Variants in GALNT13 observed in about 807,000 individuals in gnomAD.
The protein encoded by GALNT13 is UDP-GalNAc:polypeptide N-acetylgalactosaminyltransferase 13.
Under a neutral mutation model 64.2 loss-of-function variants are expected in GALNT13, and 28 were observed. That is an observed-to-expected ratio of 0.44 (90% CI 0.32 to 0.60). The LOEUF (loss-of-function observed/expected upper bound fraction) is 0.60, where lower values mean the gene tolerates loss of function less well. GALNT13 is among the 20% of genes least tolerant of loss of function. The probability of loss-of-function intolerance (pLI) is 0.05; values close to 1 mark genes in which losing one functional copy is unlikely to be tolerated. For synonymous variants in GALNT13, 214 were observed against 224.6 expected (o/e 0.95, Z 0.42); for missense variants, 577 against 669.8 (o/e 0.86, Z 1.53).
chr2:153,949,267 C>A (rs1477205088), intron 3 of GALNT13, among the ~76,000 whole-genome samples: 2 of 152,038 alleles, frequency 1.3e-5, no homozygotes, highest in Non-Finnish European at 2.9e-5. Context: ...CATCCTTATG[C>A]AACGAATGAC....
the GALNT13 span, among the ~76,000 whole-genome samples, chr2:153,234,506 A>G: frequency 9.2e-5 from 14 of 152,160 alleles, no homozygotes; most frequent in Non-Finnish European, 1.8e-4. Context: ...CTAAAAAACA[A>G]TGGAGATCCG....
chr2:153,498,872 G>A, the GALNT13 span, among the ~76,000 whole-genome samples: 1 of 150,748 alleles, frequency 6.6e-6, no homozygotes, highest in Admixed American at 6.6e-5. Context: ...TTTTTGAGAC[G>A]GAGTCTCGCT....
At chr2:154,441,123 T>C (rs1701273009) in intron 12 of GALNT13, among the ~76,000 whole-genome samples, 1 of 152,096 alleles carries the variant, frequency 6.6e-6, no homozygotes, top group South Asian at 2.1e-4. Context: ...CATATTTACA[T>C]TTGAAAAGGA....
the GALNT13 span, among the ~76,000 whole-genome samples, chr2:153,303,970 C>G: frequency 1.3e-5 from 2 of 151,892 alleles, no homozygotes; most frequent in African/African-American, 4.8e-5. Context: ...ATTTCAGAAA[C>G]TACTATTCTC....
chr2:154,171,801 G>A (rs1364282302), intron 4 of GALNT13, among the ~76,000 whole-genome samples: 1 of 152,054 alleles, frequency 6.6e-6, no homozygotes, highest in African/African-American at 2.4e-5. Context: ...CCTGCTGTGA[G>A]TCACTAATGA....
At chr2:153,368,033 A>G in the GALNT13 span, among the ~76,000 whole-genome samples, 1 of 152,120 alleles carries the variant, frequency 6.6e-6, no homozygotes, top group Non-Finnish European at 1.5e-5. Context: ...GAAAAGCAAG[A>G]CCAAATCATA....
intron 9 of GALNT13, among the ~76,000 whole-genome samples, chr2:154,308,954 G>T (rs1693887988): frequency 1.3e-5 from 2 of 151,932 alleles, no homozygotes. Flanking sequence ...CCTTTTATTG[G>T]TATTCTATGG....
chr2:153,548,127 A>G, the GALNT13 span, among the ~76,000 whole-genome samples: 1 of 152,220 alleles, frequency 6.6e-6, no homozygotes, highest in Non-Finnish European at 1.5e-5. Flanking sequence ...AGTTTGCTAT[A>G]TGGCATTGCC....
chr2:154,037,545 C>T (rs1325917809), intron 3 of GALNT13, among the ~76,000 whole-genome samples: 1 of 151,952 alleles, frequency 6.6e-6, no homozygotes, highest in African/African-American at 2.4e-5. Context: ...GGTATCCAAA[C>T]TGGGAAAGAG....
chr2:153,797,483 C>G, the GALNT13 span, among the ~76,000 whole-genome samples: 1 of 152,138 alleles, frequency 6.6e-6, no homozygotes, highest in East Asian at 1.9e-4. Context: ...AAAAATTAAT[C>G]ACATTGGCTC....
the GALNT13 span, among the ~76,000 whole-genome samples, chr2:153,156,962 G>T: frequency 6.6e-6 from 1 of 152,124 alleles, no homozygotes; most frequent in Middle Eastern, 3.2e-3. Flanking sequence ...GCTCTGTGAA[G>T]TGTCTGCTTC....
At chr2:154,418,624 T>G (rs1700127929) in intron 11 of GALNT13, among the ~76,000 whole-genome samples, 1 of 152,066 alleles carries the variant, frequency 6.6e-6, no homozygotes, top group South Asian at 2.1e-4. Context: ...TCCCACCCAG[T>G]AAAACTGATT....
the GALNT13 span, among the ~76,000 whole-genome samples, chr2:153,860,595 T>C: frequency 6.6e-6 from 1 of 152,290 alleles, no homozygotes; most frequent in South Asian, 2.1e-4. Flanking sequence ...GGTCAGCAGG[T>C]GGTTGTTGGG....
chr2:153,343,228 TTA>T, the GALNT13 span, among the ~76,000 whole-genome samples: 1 of 152,144 alleles, frequency 6.6e-6, no homozygotes, highest in Non-Finnish European at 1.5e-5. Context: ...ATAAGACCCA[TTA>T]TGTTGTGAGC....
rs1559046241 is a variant in GALNT13 at position 154,245,810 on chromosome 2, A to G, written c.687-2A>G. Reference sequence around the variant, plus strand: ...TATAAATTGGTTTTAATTTCTCTGCAGGAAAACGGTTGTCTGCCCTATCAT... The same window carrying G: ...TATAAATTGGTTTTAATTTCTCTGCGGGAAAACGGTTGTCTGCCCTATCAT... On this transcript the variant is annotated splice_acceptor_variant, in intron 6 of 12. Coordinates refer to ENST00000392825, the MANE Select transcript of GALNT13 (RefSeq NM_052917.4). LOFTEE classifies it high-confidence loss of function. 3 of 1,584,486 alleles carry G rather than the reference A, an allele frequency of 1.9e-6. No individual in the cohort carries two copies. Among genetic ancestry groups the G allele is most frequent in the Non-Finnish European group, 2.6e-6 (3 of 1,159,848 alleles).
At chr2:154,281,714 A>T (rs113578215) in intron 8 of GALNT13, among the ~76,000 whole-genome samples, 3,469 of 152,164 alleles carry the variant, frequency 0.023, 138 homozygotes, top group African/African-American at 0.078. Flanking sequence ...ACACCGGTTC[A>T]TGCACATTTT....
At chr2:153,920,017 A>G (rs1446962257) in intron 2 of GALNT13, among the ~76,000 whole-genome samples, 2 of 148,060 alleles carry the variant, frequency 1.4e-5, no homozygotes, top group Non-Finnish European at 3.0e-5. Flanking sequence ...ACAGTTATAT[A>G]TATTATATAT....
chr2:153,255,475 A>T, the GALNT13 span, among the ~76,000 whole-genome samples: 1 of 147,738 alleles, frequency 6.8e-6, no homozygotes, highest in Non-Finnish European at 1.5e-5. Context: ...TTACATTTAA[A>T]GTTAATATTG....
the GALNT13 span, among the ~76,000 whole-genome samples, chr2:153,561,372 G>C: frequency 6.6e-6 from 1 of 151,938 alleles, no homozygotes; most frequent in Non-Finnish European, 1.5e-5. Flanking sequence ...TAGATAATGA[G>C]ATATCTTGGG....
Sources: allele counts gnomAD v4.1 joint callset (sites outside exome capture counted in the v4.1 genomes callset), GRCh38; gene constraint gnomAD v4.1.1; transcripts MANE v1.5; gene names NCBI Gene and HGNC (gene_info 2026-07-23, HGNC 2026-07-21).